The following METTL24 variants were observed in gnomAD, a reference collection of about 807,000 sequenced individuals.
METTL24 encodes the protein probable methyltransferase-like protein 24.
In METTL24, 29 loss-of-function variants were observed where a neutral mutation model predicts 32.7. The ratio of observed to expected loss-of-function variants is 0.89; its 90% confidence interval spans 0.66 to 1.21. METTL24 has a LOEUF of 1.21. Ranked by LOEUF, METTL24 falls within the 50% of genes most tolerant of loss-of-function variation. The probability of loss-of-function intolerance (pLI) is 0.00; values close to 1 mark genes in which losing one functional copy is unlikely to be tolerated. For missense variants in METTL24, 439 were observed against 468.1 expected (o/e 0.94, Z 0.57); for synonymous variants, 163 against 179.5 (o/e 0.91, Z 0.73).
chr6:110,313,948 T>A (rs2114745852), intron 3 of METTL24, among the ~76,000 whole-genome samples: 1 of 152,358 alleles, frequency 6.6e-6, no homozygotes, highest in South Asian at 2.1e-4. Context: ...TGAGAATGTT[T>A]CCTATCTTTA....
At position 110,314,827 on chromosome 6, in the gene METTL24, G is replaced by A. The variant is rs565275993; in HGVS notation, c.557+515C>T. On this transcript the variant is annotated intron_variant, in intron 3 of 4. Transcript: ENST00000338882. ...AAATACAAAAAATTAGCCGGGTGTG[G>A]TGGGTGCATGCCTGTGGTCCCAGCT... is the stretch of plus-strand genomic sequence containing the variant. Among the ~76,000 whole-genome samples, 3 of 152,198 alleles carry A rather than the reference G, an allele frequency of 2.0e-5. No homozygotes were observed. In the South Asian group the frequency reaches 6.2e-4, roughly 32 times the overall value.
intron 4 of METTL24, among the ~76,000 whole-genome samples, chr6:110,286,490 G>T (rs567588540): frequency 6.6e-6 from 1 of 152,248 alleles, no homozygotes; most frequent in Admixed American, 6.5e-5. Flanking sequence ...ATACTGTTTT[G>T]GTTTGTTGTC....
chr6:110,323,684 C>T (rs1771970327), intron 1 of METTL24, among the ~76,000 whole-genome samples: 2 of 152,094 alleles, frequency 1.3e-5, no homozygotes, highest in Non-Finnish European at 2.9e-5. Context: ...GTTGTCAACA[C>T]CAAGAGACCT....
chr6:110,294,449 C>T (rs1193146320), intron 4 of METTL24, among the ~76,000 whole-genome samples: 1 of 151,002 alleles, frequency 6.6e-6, no homozygotes, highest in Non-Finnish European at 1.5e-5. Flanking sequence ...TAAAGGTAAC[C>T]ATGAAGAATA....
intron 3 of METTL24, among the ~76,000 whole-genome samples, chr6:110,299,491 A>C (rs1771483182): frequency 6.6e-6 from 1 of 152,174 alleles, no homozygotes; most frequent in Non-Finnish European, 1.5e-5. Context: ...TTCTTAGAAT[A>C]TGTCCACAAA....
chr6:110,253,587 G>C lies in METTL24; in HGVS notation c.787-7327C>G, dbSNP rs114616082. On this transcript the variant is annotated intron_variant, in intron 4 of 4. Transcript: ENST00000338882. ...ATATTTTCTTATAAAAGCAATACAT[G>C]GTCATTATTTAAAAATTAAAATCAT... Among the ~76,000 whole-genome samples the C allele has an allele frequency of 4.4e-3, 670 of 151,960 alleles. 2 individuals carry two copies. Among genetic ancestry groups the C allele is most frequent in the African/African-American group, 0.015 (641 of 41,422 alleles).
chr6:110,262,933 A>G (rs1770776896), intron 4 of METTL24, among the ~76,000 whole-genome samples: 1 of 152,226 alleles, frequency 6.6e-6, no homozygotes, highest in Non-Finnish European at 1.5e-5. Flanking sequence ...TTCATGCTAA[A>G]AACTCTCAAT....
At position 110,283,866 on chromosome 6, in the gene METTL24, T is replaced by C. The variant is rs529228305; in HGVS notation, c.786+15056A>G. On this transcript the variant is annotated intron_variant, in intron 4 of 4. Coordinates refer to ENST00000338882, the MANE Select transcript of METTL24 (RefSeq NM_001123364.3). Reference sequence around the variant, plus strand: ...CTGAAAGCATGGCCTTGAAGAGACATTTGTACAACCTCAGTCACAGTAGCA... The same window carrying C: ...CTGAAAGCATGGCCTTGAAGAGACACTTGTACAACCTCAGTCACAGTAGCA... Among the ~76,000 whole-genome samples, 5 of 152,234 alleles carry C rather than the reference T, an allele frequency of 3.3e-5. No individual in the cohort carries two copies. In the South Asian group the frequency reaches 1.0e-3, roughly 32 times the overall value.
At chr6:110,349,268 T>C (rs574843467) in intron 1 of METTL24, among the ~76,000 whole-genome samples, 102 of 152,328 alleles carry the variant, frequency 6.7e-4, no homozygotes, top group African/African-American at 2.3e-3. Flanking sequence ...CATTGGATTG[T>C]GAGCAGAGGC....
At chr6:110,333,070 C>T (rs543523084) in intron 1 of METTL24, among the ~76,000 whole-genome samples, 64 of 152,254 alleles carry the variant, frequency 4.2e-4, no homozygotes, top group African/African-American at 1.3e-3. Flanking sequence ...ATTCAAAATA[C>T]GTAAGGTTAC....
At chr6:110,315,507 A>C (rs774449072) in intron 2 of METTL24, 26 bp from the exon 3 acceptor site, 44 of 1,611,602 alleles carry the variant, frequency 2.7e-5, no homozygotes, top group East Asian at 2.2e-5. Flanking sequence ...ATCAATGTGA[A>C]TAATTTGAAA....
intron 1 of METTL24, among the ~76,000 whole-genome samples, chr6:110,328,978 T>C (rs1293504246): frequency 1.3e-5 from 2 of 152,220 alleles, no homozygotes; most frequent in Non-Finnish European, 2.9e-5. Flanking sequence ...GACAAGCATG[T>C]TTCTACATTT....
intron 4 of METTL24, among the ~76,000 whole-genome samples, chr6:110,264,764 C>T (rs553639432): frequency 2.0e-5 from 3 of 152,256 alleles, no homozygotes; most frequent in African/African-American, 7.2e-5. Context: ...AAATGTAGCA[C>T]ATATACACCA....
At chr6:110,348,745 A>C (rs950595779) in intron 1 of METTL24, among the ~76,000 whole-genome samples, 20 of 152,362 alleles carry the variant, frequency 1.3e-4, no homozygotes, top group Non-Finnish European at 2.5e-4. Context: ...AGTCTGATTC[A>C]TCTCATCAGA....
At chr6:110,345,032 A>G (rs1284133975) in intron 1 of METTL24, among the ~76,000 whole-genome samples, 2 of 152,264 alleles carry the variant, frequency 1.3e-5, no homozygotes, top group Non-Finnish European at 2.9e-5. Context: ...CAAACTGTGC[A>G]TCTGACATAG....
At chr6:110,255,492 G>C (rs1001883702) in intron 4 of METTL24, among the ~76,000 whole-genome samples, 1 of 152,068 alleles carries the variant, frequency 6.6e-6, no homozygotes, top group Non-Finnish European at 1.5e-5. Context: ...CAGCACAAAC[G>C]TAGGCAGGAC....
intron 2 of METTL24, among the ~76,000 whole-genome samples, chr6:110,320,950 A>C (rs1028183410): frequency 1.3e-5 from 2 of 152,074 alleles, no homozygotes; most frequent in Admixed American, 1.3e-4. Flanking sequence ...TAAAAAAAAA[A>C]ATTTGGCCAG....
chr6:110,256,821 T>C (rs1371932032), intron 4 of METTL24, among the ~76,000 whole-genome samples: 1 of 152,238 alleles, frequency 6.6e-6, no homozygotes, highest in African/African-American at 2.4e-5. Context: ...TAATTCTTTG[T>C]CATTCCTCAA....
intron 1 of METTL24, among the ~76,000 whole-genome samples, chr6:110,326,540 G>C (rs1262479476): frequency 1.3e-5 from 2 of 152,206 alleles, no homozygotes; most frequent in South Asian, 4.1e-4. Flanking sequence ...TGTTAACTGG[G>C]TGACTTGGGC....
Sources: gnomAD v4.1 joint callset for allele counts (sites outside exome capture counted in the v4.1 genomes callset) on GRCh38, gnomAD v4.1.1 for gene constraint, MANE v1.5 for transcripts, NCBI Gene and HGNC (gene_info 2026-07-23, HGNC 2026-07-21) for gene names.